UNC5C: variants seen among roughly 807,000 people sequenced by gnomAD.
UNC5C encodes the protein netrin receptor UNC5C.
Under a neutral mutation model 99.8 loss-of-function variants are expected in UNC5C, and 47 were observed. The ratio of observed to expected loss-of-function variants is 0.47; its 90% confidence interval spans 0.37 to 0.60. The LOEUF (loss-of-function observed/expected upper bound fraction) is 0.60. UNC5C is among the 20% of genes least tolerant of loss of function. The pLI, the probability that UNC5C is intolerant of heterozygous loss-of-function variation, is 0.00. For synonymous variants in UNC5C, 487 were observed against 452.2 expected, an observed-to-expected ratio of 1.08 and a Z score of -0.98; for missense variants, 1,062 against 1,165.9, an observed-to-expected ratio of 0.91 and a Z score of 1.30.
At chr4:95,455,690 C>A (rs368915590) in intron 1 of UNC5C, among the ~76,000 whole-genome samples, 1 of 151,918 alleles carries the variant, frequency 6.6e-6, no homozygotes, top group African/African-American at 2.4e-5. Context: ...TGATTCTGAG[C>A]AACCTTTATT....
chr4:95,416,026 T>C (rs1014212617), intron 1 of UNC5C, among the ~76,000 whole-genome samples: 1 of 152,046 alleles, frequency 6.6e-6, no homozygotes, highest in Admixed American at 6.5e-5. Flanking sequence ...AATGGGCATG[T>C]TAAGATAAAA....
chr4:95,476,661 C>T (rs1275005776), intron 1 of UNC5C, among the ~76,000 whole-genome samples: 2 of 151,998 alleles, frequency 1.3e-5, no homozygotes, highest in Non-Finnish European at 2.9e-5. Flanking sequence ...AAAAACAATG[C>T]TGCTTTGAAG....
At position 95,437,808 on chromosome 4, in the gene UNC5C, C is replaced by T. The variant is rs117358308; in HGVS notation, c.125-102177G>A. 2.5e-4 allele frequency among the ~76,000 whole-genome samples: 38 copies of T among 152,096 alleles called. No homozygotes were observed. The East Asian group carries it at 6.6e-3, about 26-fold the overall frequency. ...ATGATTGTGTAAGAAAAGCAATAGC[C>T]CTACTAAGAAAACTTTGCTAAATTG... On this transcript the variant is annotated intron_variant, in intron 1 of 15. Coordinates refer to ENST00000453304, the MANE Select transcript of UNC5C (RefSeq NM_003728.4).
At chr4:95,179,097 T>G (rs1736493633) in intron 14 of UNC5C, among the ~76,000 whole-genome samples, 1 of 152,248 alleles carries the variant, frequency 6.6e-6, no homozygotes, top group African/African-American at 2.4e-5. Context: ...TATGATTCCC[T>G]TATGTAAACA....
At chr4:95,503,364 A>C (rs940115938) in intron 1 of UNC5C, among the ~76,000 whole-genome samples, 1 of 152,144 alleles carries the variant, frequency 6.6e-6, no homozygotes, top group Non-Finnish European at 1.5e-5. Flanking sequence ...TAAATTGGCC[A>C]GTCTGTGGTA....
intron 3 of UNC5C, among the ~76,000 whole-genome samples, chr4:95,294,627 A>T (rs1741608044): frequency 6.6e-6 from 1 of 152,204 alleles, no homozygotes; most frequent in South Asian, 2.1e-4. Context: ...TGGAAATTAC[A>T]GTCAAATTTT....
intron 1 of UNC5C, among the ~76,000 whole-genome samples, chr4:95,500,907 G>A (rs1201966621): frequency 6.6e-6 from 1 of 151,986 alleles, no homozygotes; most frequent in Non-Finnish European, 1.5e-5. Context: ...GGCATATCAT[G>A]TGCTATTACA....
At position 95,490,871 on chromosome 4, in the gene UNC5C, C is replaced by T. The variant is rs531913400; in HGVS notation, c.124+57863G>A. On this transcript the variant is annotated intron_variant, in intron 1 of 15. Coordinates refer to ENST00000453304, the MANE Select transcript of UNC5C (RefSeq NM_003728.4). Reference sequence around the variant, plus strand: ...CAAGTTATTATATAGCCAGGCAGGTCTCGTTTCATTGTACTAGGTCAAGTT... The same window carrying T: ...CAAGTTATTATATAGCCAGGCAGGTTTCGTTTCATTGTACTAGGTCAAGTT... 4.6e-4 allele frequency among the ~76,000 whole-genome samples: 70 copies of T among 151,706 alleles called. 1 individual carries two copies. The highest frequency in any genetic ancestry group is 4.5e-3 in the Admixed American group (69 of 15,178).
chr4:95,316,177 T>C (rs1742469934), intron 2 of UNC5C, among the ~76,000 whole-genome samples: 1 of 151,984 alleles, frequency 6.6e-6, no homozygotes, highest in Non-Finnish European at 1.5e-5. Context: ...TATATGTACA[T>C]GGAAAAAAGG....
At chr4:95,257,316 A>T (rs1391819635) in intron 4 of UNC5C, among the ~76,000 whole-genome samples, 17 of 152,136 alleles carry the variant, frequency 1.1e-4, no homozygotes, top group Non-Finnish European at 2.9e-5. Flanking sequence ...AGGCAGGAGG[A>T]TGGCTTTAGC....
At chr4:95,456,555 C>T (rs1747432357) in intron 1 of UNC5C, among the ~76,000 whole-genome samples, 1 of 152,028 alleles carries the variant, frequency 6.6e-6, no homozygotes, top group African/African-American at 2.4e-5. Context: ...TGCCTTTACA[C>T]TTGATTTTCA....
intron 14 of UNC5C, among the ~76,000 whole-genome samples, chr4:95,171,265 G>A (rs1417825111): frequency 1.3e-5 from 2 of 150,738 alleles, no homozygotes; most frequent in Admixed American, 6.6e-5. Flanking sequence ...TAAGTTTTAG[G>A]GTACATGTGC....
chr4:95,431,552 TG>T (rs1746636202), intron 1 of UNC5C, among the ~76,000 whole-genome samples: 1 of 151,592 alleles, frequency 6.6e-6, no homozygotes, highest in Admixed American at 6.6e-5. Flanking sequence ...TAAAAAAAAA[TG>T]TTTTAAAAGT....
intron 1 of UNC5C, among the ~76,000 whole-genome samples, chr4:95,506,418 A>G (rs1721923797): frequency 6.6e-6 from 1 of 151,990 alleles, no homozygotes; most frequent in Admixed American, 6.6e-5. Context: ...CCAAACCACC[A>G]ACACTGCATG....
chr4:95,200,025 T>C (rs1197823619), intron 12 of UNC5C, among the ~76,000 whole-genome samples: 1 of 152,192 alleles, frequency 6.6e-6, no homozygotes, highest in Admixed American at 6.5e-5. Context: ...AGAGGTCTCA[T>C]CCCTTCCCCA....
At chr4:95,295,269 G>A (rs1741633336) in intron 3 of UNC5C, among the ~76,000 whole-genome samples, 1 of 152,134 alleles carries the variant, frequency 6.6e-6, no homozygotes, top group African/African-American at 2.4e-5. Context: ...TTCTGCACAG[G>A]ACACCATTGT....
chr4:95,398,700 C>A (rs1475104258), intron 1 of UNC5C, among the ~76,000 whole-genome samples: 2 of 152,060 alleles, frequency 1.3e-5, no homozygotes, highest in East Asian at 3.9e-4. Flanking sequence ...TTCTCAACCA[C>A]AAGTAAATAA....
chr4:95,333,395 A>T (rs1020574688), intron 2 of UNC5C, among the ~76,000 whole-genome samples: 7 of 152,220 alleles, frequency 4.6e-5, no homozygotes, highest in Non-Finnish European at 1.0e-4. Context: ...GCAGTCATAA[A>T]AAATGATGAG....
intron 1 of UNC5C, among the ~76,000 whole-genome samples, chr4:95,393,705 G>A (rs10012134): frequency 0.2 from 31,030 of 152,036 alleles, 4,383 homozygotes; most frequent in East Asian, 0.7. Context: ...AATATTCAGT[G>A]TGCTGATACA....
Sources: allele counts gnomAD v4.1 joint callset (sites outside exome capture counted in the v4.1 genomes callset), GRCh38; gene constraint gnomAD v4.1.1; transcripts MANE v1.5; gene names NCBI Gene and HGNC (gene_info 2026-07-23, HGNC 2026-07-21).